The following VTA1 variants were observed in gnomAD, a reference collection of about 807,000 sequenced individuals.
The protein encoded by VTA1 is vacuolar protein sorting-associated protein VTA1 homolog.
VTA1 carries 24 observed loss-of-function variants against 36.9 expected under a neutral mutation model. The observed-to-expected ratio is 0.65, with a 90% CI of 0.47 to 0.91. The LOEUF (loss-of-function observed/expected upper bound fraction) is 0.91, where lower values mean the gene tolerates loss of function less well. VTA1 is among the 40% of genes least tolerant of loss of function. VTA1 has a pLI of 0.00. For missense variants in VTA1, 393 were observed against 377.2 expected (o/e 1.04, Z -0.35); for synonymous variants, 142 against 130.2 (o/e 1.09, Z -0.62).
chr6:142,194,105 T>C lies in VTA1; in HGVS notation c.521-4334T>C, dbSNP rs114951186. On this transcript the variant is annotated intron_variant, in intron 5 of 7. Transcript: ENST00000367630. ...TCAAGATATTCATAGTAAGGTGATA[T>C]TGTTGCATCTAGCCACTCCTACGAC... 4.7e-3 allele frequency among the ~76,000 whole-genome samples: 709 copies of C among 152,206 alleles called. 5 individuals carry two copies. The highest frequency in any genetic ancestry group is 0.016 in the African/African-American group (674 of 41,556).
intron 5 of VTA1, among the ~76,000 whole-genome samples, chr6:142,194,468 T>C (rs1392271660): frequency 6.6e-6 from 1 of 152,160 alleles, no homozygotes; most frequent in Non-Finnish European, 1.5e-5. Context: ...GTAGAGGTTT[T>C]TACCTCTTTT....
chr6:142,177,601 A>G lies in VTA1; in HGVS notation c.411+7180A>G, dbSNP rs1385726957. 2.6e-5 allele frequency among the ~76,000 whole-genome samples: 4 copies of G among 152,140 alleles called. No individual in the cohort carries two copies. In the East Asian group the frequency reaches 5.8e-4, roughly 22 times the overall value. On this transcript the variant is annotated intron_variant, in intron 4 of 7. Transcript: ENST00000367630. ...AGATTAAAAACTTGAGTTTTCAGAA[A>G]GGAGATCAGAGAGTAGGGTTACGTT...
intron 6 of VTA1, among the ~76,000 whole-genome samples, chr6:142,202,028 T>C (rs557070813): frequency 2.6e-5 from 4 of 151,942 alleles, no homozygotes; most frequent in Non-Finnish European, 5.9e-5. Flanking sequence ...TAGAGTATAG[T>C]AGATTTACCT....
At chr6:142,170,598 T>C (rs1255062190) in intron 4 of VTA1, among the ~76,000 whole-genome samples, 177 bp downstream of exon 4, 1 of 152,212 alleles carries the variant, frequency 6.6e-6, no homozygotes, top group Non-Finnish European at 1.5e-5. Flanking sequence ...TTTCCAATAA[T>C]ATATTTTAAT....
chr6:142,212,106 G>A (rs1775916100), intron 7 of VTA1, among the ~76,000 whole-genome samples: 1 of 152,180 alleles, frequency 6.6e-6, no homozygotes, highest in South Asian at 2.1e-4. Flanking sequence ...AAGACAGTTT[G>A]GCAGTTTCTT....
intron 5 of VTA1, among the ~76,000 whole-genome samples, chr6:142,193,530 C>G (rs2114668906): frequency 6.6e-6 from 1 of 152,072 alleles, no homozygotes; most frequent in South Asian, 2.1e-4. Flanking sequence ...GATGGACTTT[C>G]CAGTCTATAC....
intron 4 of VTA1, among the ~76,000 whole-genome samples, chr6:142,183,260 CAA>C (rs1017106824): frequency 5.3e-5 from 8 of 152,118 alleles, no homozygotes; most frequent in African/African-American, 1.9e-4. Flanking sequence ...AATATAAAAT[CAA>C]AGAGGAAGAA....
intron 7 of VTA1, among the ~76,000 whole-genome samples, chr6:142,206,869 G>T (rs1775801178): frequency 6.6e-6 from 1 of 152,106 alleles, no homozygotes; most frequent in Non-Finnish European, 1.5e-5. Flanking sequence ...AATGGTGCTG[G>T]CGTAACAGGA....
chr6:142,200,774 C>T (rs1562267813), intron 6 of VTA1, among the ~76,000 whole-genome samples: 2 of 151,912 alleles, frequency 1.3e-5, no homozygotes, highest in East Asian at 3.9e-4. Context: ...CTCTTGTTTT[C>T]TCTGTCTTTT....
At chr6:142,184,970 A>G (rs375853684) in intron 4 of VTA1, among the ~76,000 whole-genome samples, 25 of 152,242 alleles carry the variant, frequency 1.6e-4, no homozygotes, top group Admixed American at 1.2e-3. Context: ...TTTAATATGT[A>G]TCTTCTATCC....
intron 7 of VTA1, among the ~76,000 whole-genome samples, chr6:142,215,307 G>C (rs944816439): frequency 3.3e-5 from 5 of 152,052 alleles, no homozygotes; most frequent in Admixed American, 6.5e-5. Context: ...CAGGCCTGGT[G>C]GTGGGCGCCT....
chr6:142,178,738 A>C (rs1295710807), intron 4 of VTA1, among the ~76,000 whole-genome samples: 1 of 152,148 alleles, frequency 6.6e-6, no homozygotes, highest in Non-Finnish European at 1.5e-5. Context: ...AGACCTAAAT[A>C]CAGCTATGTT....
At position 142,203,001 on chromosome 6, in the gene VTA1, T is replaced by C. The variant is rs375402901; in HGVS notation, c.698-984T>C. Among the ~76,000 whole-genome samples, 147 of 152,074 alleles carry C rather than the reference T, an allele frequency of 9.7e-4. No homozygotes were observed. In the South Asian group the frequency reaches 0.01, roughly 10 times the overall value. On this transcript the variant is annotated intron_variant, in intron 6 of 7. Transcript: ENST00000367630. Reference sequence around the variant, plus strand: ...ATTTAAACCATTTTTTCTCTTAGGTTGGGGTTGAGAAAAATCTTAAAAGTC... The same window carrying C: ...ATTTAAACCATTTTTTCTCTTAGGTCGGGGTTGAGAAAAATCTTAAAAGTC...
In VTA1 at chr6:142,169,781, G is replaced by T; in HGVS notation, c.335+104G>T. On this transcript the variant is annotated intron_variant, in intron 3 of 7. Transcript: ENST00000367630. ...ACTTTCTAACCTGCTGATTGATTTA[G>T]GTTTTTTTAGAAAAAAATTATCAAA... 7.3e-6 allele frequency: 8 copies of T among 1,090,748 alleles called. No homozygotes were observed. In the South Asian group the frequency reaches 7.6e-5, roughly 10 times the overall value. 67.6% of individuals were successfully genotyped at this position (1,090,748 alleles called of 1,614,324 possible).
At chr6:142,215,440 C>A (rs1190801849) in intron 7 of VTA1, among the ~76,000 whole-genome samples, 32 of 147,142 alleles carry the variant, frequency 2.2e-4, no homozygotes, top group African/African-American at 3.5e-4. Flanking sequence ...GACTCCATCT[C>A]AAAAAAAAAA....
At chr6:142,150,024 A>C (rs909091053) in intron 1 of VTA1, among the ~76,000 whole-genome samples, 3 of 151,586 alleles carry the variant, frequency 2.0e-5, no homozygotes, top group African/African-American at 7.3e-5. Flanking sequence ...TCACCTCCCT[A>C]TATTTTATTG....
chr6:142,149,269 T>G (rs1320626519), intron 1 of VTA1, among the ~76,000 whole-genome samples: 2 of 152,218 alleles, frequency 1.3e-5, no homozygotes, highest in African/African-American at 2.4e-5. Flanking sequence ...ATCAGGCTTA[T>G]GAAGAAATAT....
At chr6:142,184,432 G>GGGAT (rs777737083) in intron 4 of VTA1, among the ~76,000 whole-genome samples, 5 of 152,154 alleles carry the variant, frequency 3.3e-5, no homozygotes, top group Non-Finnish European at 5.9e-5. Flanking sequence ...GTCACATTTA[G>GGGAT]GGATGTCAGT....
rs145133265 is a variant in VTA1, at chr6:142,150,213, A to G, written c.112+2814A>G. Among the ~76,000 whole-genome samples the G allele has an allele frequency of 5.0e-4, 76 of 152,250 alleles. No individual in the cohort carries two copies. In the East Asian group the frequency reaches 0.014, roughly 28 times the overall value. ...GCTGTTTGATAACATTGTAGCTGCT[A>G]TATTTGTGGGCCTGATTCTGCTTTT... On this transcript the variant is annotated intron_variant, in intron 1 of 7. Transcript: ENST00000367630.
Sources: gnomAD v4.1 joint callset for allele counts (sites outside exome capture counted in the v4.1 genomes callset) on GRCh38, gnomAD v4.1.1 for gene constraint, MANE v1.5 for transcripts, NCBI Gene and HGNC (gene_info 2026-07-23, HGNC 2026-07-21) for gene names.